Variants in BICRA observed in about 807,000 individuals in gnomAD.
The protein encoded by BICRA is BRD4 interacting chromatin remodeling complex associated protein.
Under a neutral mutation model 96.9 loss-of-function variants are expected in BICRA, and 31 were observed. The observed-to-expected ratio is 0.32, with a 90% CI of 0.24 to 0.43. The LOEUF is 0.43. Among genes scored for constraint, BICRA ranks in the 20% least tolerant of loss-of-function variants. BICRA has a pLI of 1.00. For synonymous variants in BICRA, 1,350 were observed against 1,071.8 expected (o/e 1.26, Z -5.07); for missense variants, 2,283 against 2,190.3 (o/e 1.04, Z -0.84).
chr19:47,647,643 G>A (rs1406799466), intron 1 of BICRA, among the ~76,000 whole-genome samples: 1 of 152,080 alleles, frequency 6.6e-6, no homozygotes, highest in Non-Finnish European at 1.5e-5. Flanking sequence ...CACGTTGCAT[G>A]TTCTTGTAGA....
At chr19:47,664,151 T>G (rs1277191922) in intron 1 of BICRA, among the ~76,000 whole-genome samples, 1 of 152,230 alleles carries the variant, frequency 6.6e-6, no homozygotes, top group Non-Finnish European at 1.5e-5. Context: ...ATGATATCGT[T>G]CTGGAGACTT....
intron 1 of BICRA, among the ~76,000 whole-genome samples, chr19:47,640,912 T>TC (rs1972375212): frequency 6.9e-6 from 1 of 144,184 alleles, no homozygotes; most frequent in Non-Finnish European, 1.5e-5. Flanking sequence ...TTTTTTTTTT[T>TC]TTTTTGAGAC....
rs763849879 is a variant in BICRA at position 47,680,017 on chromosome 19, CAGG to C, written c.848_850del (p.Gln283_Gly284delinsArg). The C allele has an allele frequency of 6.6e-7, 1 of 1,514,670 alleles. No individual in the cohort carries two copies. The highest frequency in any genetic ancestry group is 8.8e-7 in the Non-Finnish European group (1 of 1,142,670). The allele number at this position is 1,514,670 out of a possible 1,614,324, so 93.8% of individuals were successfully genotyped here. ...GCTGGCGTCGGCCGGTGTCTCGCCACAGGGGGCTGGCCTGGTCATCCAGAAGAA... is the reference window on the plus strand; with the variant it reads ...GCTGGCGTCGGCCGGTGTCTCGCCACGGGCTGGCCTGGTCATCCAGAAGAA... On this transcript the variant is annotated inframe_deletion, in exon 6 of 15. Coordinates refer to ENST00000594866, the MANE Select transcript of BICRA (RefSeq NM_001394372.1).
chr19:47,682,199 G>A lies in BICRA; in HGVS notation c.2283+47G>A, dbSNP rs767554215. 17 of 770,676 alleles carry A rather than the reference G, an allele frequency of 2.2e-5. 1 individual carries two copies. The highest frequency in any genetic ancestry group is 3.5e-5 in the Non-Finnish European group (17 of 485,450). 47.7% of individuals were successfully genotyped at this position (770,676 alleles called of 1,614,324 possible). ...GTGTCCGCAGCACAGACCCAGCCTC[G>A]CCCCTCCTGCCCGCTCTCCCGCTCC... On this transcript the variant is annotated intron_variant, in intron 7 of 14. Coordinates refer to ENST00000594866, the MANE Select transcript of BICRA (RefSeq NM_001394372.1).
At chr19:47,679,213 C>A in intron 5 of BICRA, 108 bp from the exon 6 acceptor site, 2 of 732,912 alleles carry the variant, frequency 2.7e-6, no homozygotes, top group Non-Finnish European at 4.0e-6. Context: ...AATGTTCTTT[C>A]TTGAACGTGG....
rs1277861035 is a variant in BICRA, at chr19:47,692,206, A to G, written c.2284-1909A>G. 1.4e-4 allele frequency among the ~76,000 whole-genome samples: 21 copies of G among 151,312 alleles called. No homozygotes were observed. In the East Asian group the frequency reaches 3.7e-3, roughly 27 times the overall value. On this transcript the variant is annotated intron_variant, in intron 7 of 14. Transcript: ENST00000594866. ...TATTGTAAATGCTCCCAAAGTGGGC[A>G]ACCCCATAGCAAGTACTTGAATATT...
intron 5 of BICRA, 112 bp downstream of exon 5, chr19:47,676,028 G>A (rs764079193): frequency 2.9e-6 from 2 of 680,488 alleles, no homozygotes; most frequent in Non-Finnish European, 5.0e-6. Context: ...CTGTTGACAG[G>A]AGGAGGGCGG....
chr19:47,701,314 C>T lies in BICRA; in HGVS notation c.3596-14C>T. On this transcript the variant is annotated splice_polypyrimidine_tract_variant and intron_variant, in intron 14 of 14. Transcript: ENST00000594866. This position sits in a 1 kb window ranked among gnomAD's most constrained non-coding sequence, Gnocchi z 5.4. ...ATCCTAACCCCGCGGGTTTTCTTTG[C>T]CCCGATTCTGCAGACGAGTACGTGT... 1 of 1,603,288 alleles carries T rather than the reference C, an allele frequency of 6.2e-7. No individual in the cohort carries two copies. The highest frequency in any genetic ancestry group is 1.1e-5 in the South Asian group (1 of 90,768).
chr19:47,665,487 T>G (rs1275650955), intron 1 of BICRA, among the ~76,000 whole-genome samples: 3 of 152,042 alleles, frequency 2.0e-5, no homozygotes, highest in South Asian at 4.1e-4. Context: ...TTGTTTTTTT[T>G]GGGATGGGGT....
chr19:47,646,314 A>G (rs1413450526), intron 1 of BICRA, among the ~76,000 whole-genome samples: 1 of 152,108 alleles, frequency 6.6e-6, no homozygotes, highest in Non-Finnish European at 1.5e-5. Context: ...TCCCTGCTGG[A>G]AACTTCCCTA....
At chr19:47,633,380 G>C (rs4488571) in intron 1 of BICRA, among the ~76,000 whole-genome samples, 43,885 of 151,824 alleles carry the variant, frequency 0.29, 6,533 homozygotes, top group Non-Finnish European at 0.32. Flanking sequence ...ATGCCCCGGC[G>C]TATTTTTCCA....
At chr19:47,657,184 T>G (rs746304910) in intron 1 of BICRA, among the ~76,000 whole-genome samples, 12 of 152,018 alleles carry the variant, frequency 7.9e-5, no homozygotes, top group African/African-American at 2.7e-4. Flanking sequence ...TTTACACAAA[T>G]GGACTCACAC....
chr19:47,681,205 C>G lies in BICRA; in HGVS notation c.2035C>G (p.Leu679Val). Residue 679 changes from leucine to valine, a missense_variant, in exon 6 of 15, where the codon CTG becomes GTG. Coordinates refer to ENST00000594866, the MANE Select transcript of BICRA (RefSeq NM_001394372.1). ...GGCGTCTAGCCCGGAGAAGATCGTC[C>G]TGGGGCAGCCGCCCTCTGCCACCCC... is the stretch of plus-strand genomic sequence containing the variant. ...GLASSPEKIV[L>V]GQPPSATPTA... 6.5e-7 allele frequency: 1 copy of G among 1,534,412 alleles called. No homozygotes were observed. The highest frequency in any genetic ancestry group is 8.7e-7 in the Non-Finnish European group (1 of 1,145,280).
At chr19:47,642,203 A>G (rs939259546) in intron 1 of BICRA, among the ~76,000 whole-genome samples, 10 of 152,332 alleles carry the variant, frequency 6.6e-5, no homozygotes, top group Admixed American at 4.6e-4. Context: ...TTTGCTGGCA[A>G]TATGCCATTA....
chr19:47,658,562 G>A (rs925753123), intron 1 of BICRA, among the ~76,000 whole-genome samples: 1 of 150,094 alleles, frequency 6.7e-6, no homozygotes, highest in Admixed American at 6.7e-5. Context: ...AACCGGGGAG[G>A]CAGAGTTTGC....
At position 47,681,213 on chromosome 19, in the gene BICRA, G is replaced by A; in HGVS notation, c.2043G>A (p.Gln681=). ...ASSPEKIVLG[Q]PPSATPTAIL... is the part of the protein sequence containing the mutation. Reference sequence around the variant, plus strand: ...GCCCGGAGAAGATCGTCCTGGGGCAGCCGCCCTCTGCCACCCCCACGGCCA... The same window carrying A: ...GCCCGGAGAAGATCGTCCTGGGGCAACCGCCCTCTGCCACCCCCACGGCCA... The change falls in exon 6 of 15, where the codon CAG becomes CAA. Residue 681 remains glutamine (Q), a synonymous_variant. Transcript: ENST00000594866. 6.5e-7 allele frequency: 1 copy of A among 1,535,262 alleles called. No homozygotes were observed. The highest frequency in any genetic ancestry group is 8.7e-7 in the Non-Finnish European group (1 of 1,146,020).
In BICRA at chr19:47,695,491, G is replaced by C. The variant is rs753397916; in HGVS notation, c.3186+17G>C. On this transcript the variant is annotated intron_variant, in intron 10 of 14. Transcript: ENST00000594866. The stretch of plus-strand genomic sequence containing the variant: ...GGGCTGCAGGTAAGGGGCCCTTAGA[G>C]CAGGGGTCAGGACAGGACCAGGAGT... 1 of 1,225,876 alleles carries C rather than the reference G, an allele frequency of 8.2e-7. No homozygotes were observed. Among genetic ancestry groups the C allele is most frequent in the Non-Finnish European group, 1.2e-6 (1 of 845,842 alleles). The allele number at this position is 1,225,876 out of a possible 1,614,324, so 75.9% of individuals were successfully genotyped here.
intron 1 of BICRA, among the ~76,000 whole-genome samples, chr19:47,633,393 A>G (rs1972251031): frequency 6.6e-6 from 1 of 151,864 alleles, no homozygotes. Context: ...TTTTTCCAAG[A>G]TGGGATCTCC....
At chr19:47,645,142 G>A (rs1274485842) in intron 1 of BICRA, among the ~76,000 whole-genome samples, 5 of 152,218 alleles carry the variant, frequency 3.3e-5, no homozygotes, top group African/African-American at 1.2e-4. Context: ...TCCCCACCCC[G>A]ATGTAGGATG....
Sources: gnomAD v4.1 joint callset for allele counts (sites outside exome capture counted in the v4.1 genomes callset) on GRCh38, gnomAD v4.1.1 for gene constraint, Gnocchi (gnomAD v3.1) non-coding constraint, MANE v1.5 for transcripts, NCBI Gene and HGNC (gene_info 2026-07-23, HGNC 2026-07-21) for gene names.